The following DENND4C variants were observed in gnomAD, a reference collection of about 807,000 sequenced individuals.
DENND4C encodes DENN domain containing 4C.
Under a neutral mutation model 203.0 loss-of-function variants are expected in DENND4C, and 108 were observed. The observed-to-expected ratio is 0.53, with a 90% CI of 0.46 to 0.62. The LOEUF (loss-of-function observed/expected upper bound fraction) is 0.62, where lower values mean the gene tolerates loss of function less well. Ranked by LOEUF, DENND4C falls within the 20% of genes least tolerant of loss-of-function variation. DENND4C has a pLI of 0.00. For synonymous variants in DENND4C, 871 were observed against 792.4 expected (o/e 1.10, Z -1.67); for missense variants, 2,481 against 2,301.2 (o/e 1.08, Z -1.60).
intron 1 of DENND4C, among the ~76,000 whole-genome samples, chr9:19,251,439 A>G (rs1046254853): frequency 6.6e-6 from 1 of 152,216 alleles, no homozygotes; most frequent in Non-Finnish European, 1.5e-5. Flanking sequence ...AAGACCTCTG[A>G]CATACCTTGG....
rs766122921 is a variant in DENND4C, at chr9:19,347,009, G to C, written c.4240G>C (p.Gly1414Arg). The part of the protein sequence containing the change: ...SGPKIDVLKS[G>R]MKQAATVASK... ...GCCCAAGATAGATGTCCTGAAATCT[G>C]GTATGAAACAAGCAGCGACAGTAGC... Residue 1414 changes from glycine to arginine, a missense_variant, in exon 23 of 33, where the codon GGT (glycine) becomes CGT (arginine). Gly to Arg is a moderately radical substitution (Grantham distance 125, BLOSUM62 -2). Around this residue, in one of 3 missense-constraint regions of DENND4C, gnomAD observed 2,289 missense variants for 2,113.3 expected, o/e 1.08. Transcript: ENST00000434457. 6.2e-7 allele frequency: 1 copy of C among 1,614,150 alleles called. No individual in the cohort carries two copies. The highest frequency in any genetic ancestry group is 8.5e-7 in the Non-Finnish European group (1 of 1,180,030).
intron 16 of DENND4C, among the ~76,000 whole-genome samples, chr9:19,329,303 G>A (rs1236224914): frequency 2.0e-5 from 3 of 152,136 alleles, no homozygotes; most frequent in Non-Finnish European, 4.4e-5. Flanking sequence ...TTCAAGAGTA[G>A]AACTGCATAA....
intron 17 of DENND4C, among the ~76,000 whole-genome samples, chr9:19,334,110 T>C (rs1819885961): frequency 1.3e-5 from 2 of 152,328 alleles, no homozygotes; most frequent in East Asian, 3.9e-4. Context: ...AGTGGCGCAG[T>C]CTTGGCTCAC....
At chr9:19,244,063 C>G (rs766304621) in intron 1 of DENND4C, among the ~76,000 whole-genome samples, 1 of 152,076 alleles carries the variant, frequency 6.6e-6, no homozygotes, top group African/African-American at 2.4e-5. Context: ...TGGAGTCTTA[C>G]TCTGCCGCCC....
chr9:19,330,897 C>A (rs3003720), intron 16 of DENND4C, among the ~76,000 whole-genome samples: 22,712 of 151,150 alleles, frequency 0.15, 1,901 homozygotes, highest in Middle Eastern at 0.34. Context: ...TAAAAATCTG[C>A]ACAAAAAAAT....
At chr9:19,330,852 C>T (rs931458200) in intron 16 of DENND4C, among the ~76,000 whole-genome samples, 1 of 151,874 alleles carries the variant, frequency 6.6e-6, no homozygotes, top group African/African-American at 2.4e-5. Flanking sequence ...GAGTTCTAGA[C>T]CAGTCTGGCC....
chr9:19,271,929 T>A (rs113095350), intron 1 of DENND4C, among the ~76,000 whole-genome samples: 2,101 of 150,674 alleles, frequency 0.014, 43 homozygotes, highest in African/African-American at 0.049. Context: ...AAGCTAAGGC[T>A]GCCTGATTTC....
At chr9:19,267,032 A>T (rs541839591) in intron 1 of DENND4C, among the ~76,000 whole-genome samples, 6 of 152,196 alleles carry the variant, frequency 3.9e-5, no homozygotes, top group South Asian at 2.1e-4. Flanking sequence ...GGCCTAATAG[A>T]TGCTCTGTTC....
At chr9:19,266,241 G>T (rs905244226) in intron 1 of DENND4C, among the ~76,000 whole-genome samples, 32 of 152,256 alleles carry the variant, frequency 2.1e-4, no homozygotes, top group Admixed American at 1.9e-3. Flanking sequence ...TCTGTTGGCT[G>T]CATAAATATA....
In DENND4C at chr9:19,286,831, A is replaced by T. The variant is rs371911067; in HGVS notation, c.368A>T (p.Tyr123Phe). The stretch of plus-strand genomic sequence containing the variant: ...TGTGAAGTGATCCTAGCCACACCCT[A>T]TGGTCGCTGTGCCAATGTCAACAAT... The part of the protein sequence containing the change: ...PGCEVILATP[Y>F]GRCANVNNSS... Residue 123 changes from tyrosine to phenylalanine, a missense_variant, in exon 3 of 33, where the codon TAT becomes TTT. Around this residue, in one of 3 missense-constraint regions of DENND4C, gnomAD observed 187 missense variants for 167.4 expected, o/e 1.12. Coordinates refer to ENST00000434457, the MANE Select transcript of DENND4C (RefSeq NM_001330640.2). 1 of 1,232,144 alleles carries T rather than the reference A, an allele frequency of 8.1e-7. No homozygotes were observed. The highest frequency in any genetic ancestry group is 1.0e-6 in the Non-Finnish European group (1 of 987,956). 76.3% of individuals were successfully genotyped at this position (1,232,144 alleles called of 1,614,324 possible).
In DENND4C at chr9:19,352,656, G is replaced by T. The variant is rs1294880267; in HGVS notation, c.4772G>T (p.Gly1591Val). The change falls in exon 26 of 33, where the codon GGT becomes GTT. Residue 1591 changes from glycine (G) to valine (V), a missense_variant. Physicochemically the swap from Gly to Val is moderately radical, Grantham distance 109. Coordinates refer to ENST00000434457, the MANE Select transcript of DENND4C (RefSeq NM_001330640.2). Reference protein sequence around the residue: ...LLNIEFKDLRGSASFFLKPST... With the variant: ...LLNIEFKDLRVSASFFLKPST... ...AATATAGAATTCAAAGATTTGAGAG[G>T]TTCTGCAAGGTTAGTCTTATAAAAG... is the stretch of plus-strand genomic sequence containing the variant. 3.1e-6 allele frequency: 5 copies of T among 1,595,064 alleles called. No homozygotes were observed. The Admixed American group carries it at 5.2e-5, about 16-fold the overall frequency.
At chr9:19,266,418 A>C (rs113849589) in intron 1 of DENND4C, among the ~76,000 whole-genome samples, 8,233 of 152,250 alleles carry the variant, frequency 0.054, 377 homozygotes, top group African/African-American at 0.12. Flanking sequence ...TGCCTGTTCA[A>C]TCTGATGGTA....
At chr9:19,232,582 G>A (rs1456911125) in intron 1 of DENND4C, among the ~76,000 whole-genome samples, 1 of 152,178 alleles carries the variant, frequency 6.6e-6, no homozygotes, top group Admixed American at 6.5e-5. Flanking sequence ...TTGTAAATGA[G>A]TGCATTCTAT....
In DENND4C at chr9:19,300,172, CT is replaced by C. The variant is rs755468275; in HGVS notation, c.1167-7del. The stretch of plus-strand genomic sequence containing the variant: ...ATAGTTCACAATGATCTACTTTTCT[CT>C]TTTTTTTCCCTAGTGGAGCCAACTT... On this transcript the variant is annotated splice_polypyrimidine_tract_variant and intron_variant, in intron 8 of 32. Coordinates refer to ENST00000434457, the MANE Select transcript of DENND4C (RefSeq NM_001330640.2). 2.3e-5 allele frequency: 36 copies of C among 1,580,186 alleles called. No individual in the cohort carries two copies. The highest frequency in any genetic ancestry group is 8.1e-5 in the South Asian group (7 of 86,732).
At chr9:19,316,961 C>T in intron 12 of DENND4C, 122 bp downstream of exon 12, 1 of 906,684 alleles carries the variant, frequency 1.1e-6, no homozygotes. Context: ...TATAATGAAC[C>T]TCCATGTATT....
intron 1 of DENND4C, among the ~76,000 whole-genome samples, chr9:19,273,531 A>G (rs1044989395): frequency 6.6e-6 from 1 of 152,008 alleles, no homozygotes; most frequent in Non-Finnish European, 1.5e-5. Context: ...TTTGCAAAGC[A>G]TATGTCTGAT....
At position 19,346,454 on chromosome 9, in the gene DENND4C, A is replaced by G. The variant is rs1563827022; in HGVS notation, c.3685A>G (p.Asn1229Asp). 1 of 1,614,216 alleles carries G rather than the reference A, an allele frequency of 6.2e-7. No individual in the cohort carries two copies. The highest frequency in any genetic ancestry group is 8.5e-7 in the Non-Finnish European group (1 of 1,180,036). Reference sequence around the variant, plus strand: ...GAAAACAGTATCCAAAGATCTGAGGAATAAGAGAAGTAGTTTATATGGTAT... The same window carrying G: ...GAAAACAGTATCCAAAGATCTGAGGGATAAGAGAAGTAGTTTATATGGTAT... ...DLKTVSKDLR[N>D]KRSSLYGIAK... is the part of the protein sequence containing the mutation. The change falls in exon 23 of 33, where the codon AAT becomes GAT. Residue 1229 changes from asparagine (N) to aspartate (D), a missense_variant. Asn to Asp is a conservative substitution (Grantham distance 23, BLOSUM62 1). This residue lies in a region of DENND4C where 2,289 missense variants were observed against 2,113.3 expected (regional missense o/e 1.08). Coordinates refer to ENST00000434457, the MANE Select transcript of DENND4C (RefSeq NM_001330640.2).
At chr9:19,367,601 T>C (rs1010045998) in intron 30 of DENND4C, among the ~76,000 whole-genome samples, 1 of 152,150 alleles carries the variant, frequency 6.6e-6, no homozygotes, top group African/African-American at 2.4e-5. Flanking sequence ...TAGCTGGGCG[T>C]GGTGGCACAT....
intron 1 of DENND4C, among the ~76,000 whole-genome samples, chr9:19,248,792 T>C (rs73423079): frequency 0.073 from 9,586 of 131,688 alleles, 574 homozygotes; most frequent in African/African-American, 0.17. Context: ...CTTTTCTTCA[T>C]AGCACCTATG....
Sources: gnomAD v4.1 joint callset for allele counts (sites outside exome capture counted in the v4.1 genomes callset) on GRCh38, gnomAD v4.1.1 for gene constraint, gnomAD v4.1.1 regional missense constraint, MANE v1.5 for transcripts, NCBI Gene and HGNC (gene_info 2026-07-23, HGNC 2026-07-21) for gene names.